Variants in FCHSD2 observed in about 807,000 individuals in gnomAD.
The protein encoded by FCHSD2 is F-BAR and double SH3 domains protein 2.
FCHSD2 carries 38 observed loss-of-function variants against 108.1 expected under a neutral mutation model. That is an observed-to-expected ratio of 0.35 (90% confidence interval 0.27 to 0.46). The LOEUF (loss-of-function observed/expected upper bound fraction) is 0.46. Among genes scored for constraint, FCHSD2 ranks in the 20% least tolerant of loss-of-function variants. FCHSD2 has a pLI of 1.00. For synonymous variants in FCHSD2, 279 were observed against 314.7 expected (o/e 0.89, Z 1.20); for missense variants, 751 against 897.8 (o/e 0.84, Z 2.09).
At chr11:73,138,366 A>G (rs1342625576) in intron 2 of FCHSD2, among the ~76,000 whole-genome samples, 1 of 152,172 alleles carries the variant, frequency 6.6e-6, no homozygotes, top group African/African-American at 2.4e-5. Context: ...CAACAGGGGA[A>G]AAATGGAGAC....
In FCHSD2 at chr11:73,073,833, A is replaced by AT. The variant is rs199841948; in HGVS notation, c.165+9861dup. ...TAATAAAAACTGTACATGTGCAAGG[A>AT]TTTTTTTTTCTTTTTTGAGCATTGC... On this transcript the variant is annotated intron_variant, in intron 3 of 19. Coordinates refer to ENST00000409418, the MANE Select transcript of FCHSD2 (RefSeq NM_014824.3). 6.4e-3 allele frequency among the ~76,000 whole-genome samples: 968 copies of AT among 151,814 alleles called. 7 individuals are homozygous for AT. Among genetic ancestry groups the AT allele is most frequent in the African/African-American group, 0.022 (917 of 41,392 alleles).
At chr11:72,915,831 AAAAAG>A (rs1474812130) in intron 9 of FCHSD2, among the ~76,000 whole-genome samples, 1 of 152,178 alleles carries the variant, frequency 6.6e-6, no homozygotes, top group South Asian at 2.1e-4. Flanking sequence ...AACAAAAAAC[AAAAAG>A]AAAAGAAAAG....
At chr11:72,917,197 C>A (rs1855891919) in intron 9 of FCHSD2, among the ~76,000 whole-genome samples, 3 of 152,212 alleles carry the variant, frequency 2.0e-5, no homozygotes, top group South Asian at 4.1e-4. Context: ...ATTGGCCAGG[C>A]TGGTCTTGAA....
At chr11:73,089,718 A>G (rs1169709615) in intron 2 of FCHSD2, among the ~76,000 whole-genome samples, 1 of 152,230 alleles carries the variant, frequency 6.6e-6, no homozygotes, top group African/African-American at 2.4e-5. Flanking sequence ...ATTTATACAA[A>G]GTGTCTAGAA....
At chr11:72,852,066 T>C (rs1460825643) in intron 13 of FCHSD2, among the ~76,000 whole-genome samples, 4 of 151,888 alleles carry the variant, frequency 2.6e-5, no homozygotes, top group Non-Finnish European at 5.9e-5. Context: ...GTGTTTTTTT[T>C]TTGGTAGATA....
intron 13 of FCHSD2, among the ~76,000 whole-genome samples, chr11:72,866,626 G>A (rs569906138): frequency 6.6e-6 from 1 of 152,250 alleles, no homozygotes; most frequent in South Asian, 2.1e-4. Context: ...AAAGTCAAGT[G>A]GGTGATGTTT....
chr11:73,076,874 G>A (rs894421254), intron 3 of FCHSD2, among the ~76,000 whole-genome samples: 1 of 152,034 alleles, frequency 6.6e-6, no homozygotes, highest in Non-Finnish European at 1.5e-5. Flanking sequence ...ACTTTGGGAG[G>A]CCAAGATGGG....
At chr11:73,126,339 TAAAAAAAAAAAAAAAAAA>T (rs61586562) in intron 2 of FCHSD2, among the ~76,000 whole-genome samples, 9,536 of 28,646 alleles carry the variant, frequency 0.33, 846 homozygotes, top group South Asian at 0.39. Context: ...GATTCCATCT[TAAAAAAAAAAAAAAAAAA>T]AAAAAAAAAA....
At chr11:72,877,041 G>C (rs762542143) in intron 12 of FCHSD2, among the ~76,000 whole-genome samples, 1 of 151,450 alleles carries the variant, frequency 6.6e-6, no homozygotes, top group Non-Finnish European at 1.5e-5. Context: ...GTACGATCAC[G>C]GCTCAGTGCA....
intron 2 of FCHSD2, among the ~76,000 whole-genome samples, chr11:73,139,818 T>A (rs567997984): frequency 1.3e-5 from 2 of 152,378 alleles, no homozygotes; most frequent in African/African-American, 4.8e-5. Flanking sequence ...TTGTTTTTTC[T>A]GAATACTATG....
At chr11:72,983,120 C>T (rs550790410) in intron 8 of FCHSD2, among the ~76,000 whole-genome samples, 3 of 151,974 alleles carry the variant, frequency 2.0e-5, no homozygotes, top group Admixed American at 2.0e-4. Context: ...CGGTGAAACC[C>T]CGTCTCTACT....
chr11:72,983,643 T>A, intron 8 of FCHSD2: 1 of 223,396 alleles, frequency 4.5e-6, no homozygotes, highest in Non-Finnish European at 9.1e-6. Context: ...ACAGATACAA[T>A]CTAACAAAAA....
intron 3 of FCHSD2, among the ~76,000 whole-genome samples, chr11:73,064,255 C>A (rs558280662): frequency 6.6e-6 from 1 of 152,022 alleles, no homozygotes; most frequent in African/African-American, 2.4e-5. Context: ...AAAGACACAA[C>A]GTGCCAGAAT....
intron 3 of FCHSD2, among the ~76,000 whole-genome samples, chr11:73,051,859 C>A (rs1858905022): frequency 7.1e-6 from 1 of 139,958 alleles, no homozygotes; most frequent in East Asian, 2.0e-4. Context: ...GATGCTAACA[C>A]GGTATATAAA....
chr11:72,952,938 C>T (rs1486794743), intron 8 of FCHSD2, among the ~76,000 whole-genome samples: 4 of 152,146 alleles, frequency 2.6e-5, no homozygotes, highest in African/African-American at 4.8e-5. Flanking sequence ...CAGCAGTTCA[C>T]CCGCTTTAAA....
At chr11:72,954,491 C>T (rs1177370157) in intron 8 of FCHSD2, among the ~76,000 whole-genome samples, 2 of 151,870 alleles carry the variant, frequency 1.3e-5, no homozygotes, top group Non-Finnish European at 2.9e-5. Flanking sequence ...CAGGTGTGAG[C>T]CACTGTGCCC....
At chr11:72,881,669 A>G (rs752848065) in intron 12 of FCHSD2, among the ~76,000 whole-genome samples, 2 of 152,228 alleles carry the variant, frequency 1.3e-5, no homozygotes, top group Non-Finnish European at 2.9e-5. Flanking sequence ...AAAATGTGAT[A>G]TATACACACA....
chr11:72,973,335 C>T (rs995461384), intron 8 of FCHSD2, among the ~76,000 whole-genome samples: 1 of 150,764 alleles, frequency 6.6e-6, no homozygotes, highest in Non-Finnish European at 1.5e-5. Context: ...CCATTGCACT[C>T]CAGCCTGGGC....
chr11:73,138,756 C>T (rs1452790737), intron 2 of FCHSD2, among the ~76,000 whole-genome samples: 6 of 151,994 alleles, frequency 3.9e-5, no homozygotes, highest in Middle Eastern at 6.8e-3. Flanking sequence ...TACAGGCGCA[C>T]GCCACCATGC....
Sources: allele counts gnomAD v4.1 joint callset (sites outside exome capture counted in the v4.1 genomes callset), GRCh38; gene constraint gnomAD v4.1.1; transcripts MANE v1.5; gene names NCBI Gene and HGNC (gene_info 2026-07-23, HGNC 2026-07-21).